HTT: variants seen among roughly 807,000 people sequenced by gnomAD.
HTT encodes the protein huntingtin, also known as huntington disease protein.
In HTT, 104 loss-of-function variants were observed where a neutral mutation model predicts 362.3. The observed-to-expected ratio is 0.29, with a 90% CI of 0.24 to 0.34. The LOEUF is 0.34. HTT is among the 10% of genes least tolerant of loss of function. The pLI, the probability that HTT is intolerant of heterozygous loss-of-function variation, is 1.00. For missense variants in HTT, 3,301 were observed against 3,928.6 expected, an observed-to-expected ratio of 0.84 and a Z score of 4.27; for synonymous variants, 1,577 against 1,548.7, an observed-to-expected ratio of 1.02 and a Z score of -0.43.
intron 3 of HTT, among the ~76,000 whole-genome samples, chr4:3,103,383 C>A (rs1714259785): frequency 1.3e-5 from 2 of 151,724 alleles, no homozygotes; most frequent in African/African-American, 4.8e-5. Context: ...CACCACCACA[C>A]CCGGCTAATT....
At chr4:3,180,733 A>C in intron 36 of HTT, 82 bp downstream of exon 36, 2 of 1,121,036 alleles carry the variant, frequency 1.8e-6, no homozygotes, top group South Asian at 2.3e-5. Flanking sequence ...GGTAACGCTC[A>C]CTGTTAACTG....
intron 25 of HTT, among the ~76,000 whole-genome samples, chr4:3,147,751 G>A (rs1002504384): frequency 7.9e-5 from 12 of 152,178 alleles, no homozygotes; most frequent in African/African-American, 4.8e-5. Flanking sequence ...CTGAACTTCG[G>A]TTGTGAAGAC....
intron 6 of HTT, among the ~76,000 whole-genome samples, chr4:3,114,956 G>A (rs987515700): frequency 2.6e-5 from 4 of 152,152 alleles, no homozygotes; most frequent in African/African-American, 9.7e-5. Context: ...CAGTTGGCTA[G>A]TACTCTTTTC....
chr4:3,240,236 T>A lies in HTT; in HGVS notation c.*177T>A, dbSNP rs1578622652. The A allele has an allele frequency of 8.0e-6, 5 of 621,260 alleles. No homozygotes were observed. The highest frequency in any genetic ancestry group is 1.4e-5 in the Non-Finnish European group (5 of 352,888). The allele number at this position is 621,260 out of a possible 1,614,324, so 38.5% of individuals were successfully genotyped here. A position where few individuals can be genotyped will look rare whatever the true frequency, so the allele number is the denominator to read the frequency against. ...GTGGCAGAAGTGCTCTTTGTGGCAG[T>A]GGCCAGGCAGGGAGTGTCTGCAGTC... is the stretch of plus-strand genomic sequence containing the variant. On this transcript the variant is annotated 3_prime_UTR_variant, in exon 67 of 67. Coordinates refer to ENST00000355072, the MANE Select transcript of HTT (RefSeq NM_001388492.1).
intron 60 of HTT, among the ~76,000 whole-genome samples, chr4:3,230,680 G>A (rs1044261658): frequency 3.9e-5 from 6 of 152,082 alleles, no homozygotes; most frequent in Admixed American, 6.5e-5. Flanking sequence ...CAGCAGATTT[G>A]GTGTGTGATG....
intron 40 of HTT, among the ~76,000 whole-genome samples, chr4:3,197,245 C>G (rs754558403): frequency 1.3e-5 from 2 of 152,084 alleles, no homozygotes; most frequent in Non-Finnish European, 2.9e-5. Flanking sequence ...GTGACCTTGG[C>G]TGTTGCTCTC....
chr4:3,237,722 G>A (rs562667346), intron 64 of HTT, among the ~76,000 whole-genome samples: 1 of 152,256 alleles, frequency 6.6e-6, no homozygotes, highest in African/African-American at 2.4e-5. Context: ...TGCCATTTTC[G>A]TAGCTGCTTC....
intron 21 of HTT, among the ~76,000 whole-genome samples, chr4:3,139,403 G>A (rs1891701): frequency 0.24 from 36,348 of 152,026 alleles, 5,605 homozygotes; most frequent in East Asian, 0.39. Context: ...TTGCCATGTT[G>A]GCCGGGCTGA....
At chr4:3,234,460 A>G (rs1276884139) in intron 61 of HTT, among the ~76,000 whole-genome samples, 1 of 152,190 alleles carries the variant, frequency 6.6e-6, no homozygotes, top group Non-Finnish European at 1.5e-5. Context: ...TCAGGCACAT[A>G]TGTTGGTGCA....
chr4:3,178,317 C>G lies in HTT; in HGVS notation c.4483C>G (p.Pro1495Ala), dbSNP rs757721942. The change falls in exon 35 of 67, where the codon CCA (proline) becomes GCA (alanine). Residue 1495 changes from proline to alanine, a missense_variant. By Grantham distance (27) the Pro-to-Ala change is conservative. This residue lies in a region of HTT where 2,316 missense variants were observed against 2,658.5 expected (regional missense o/e 0.87). Coordinates refer to ENST00000355072, the MANE Select transcript of HTT (RefSeq NM_001388492.1). ...TTTTAGGGAATCAGAGGCAATCATT[C>G]CAAACATCTTTTTCTTCTTGGTATT... is the stretch of plus-strand genomic sequence containing the variant. ...GQFRESEAII[P>A]NIFFFLVLLS... 1.8e-5 allele frequency: 29 copies of G among 1,609,130 alleles called. No homozygotes were observed. Among genetic ancestry groups the G allele is most frequent in the Non-Finnish European group, 2.5e-5 (29 of 1,176,052 alleles).
At chr4:3,236,015 T>C (rs1721512305) in intron 63 of HTT, 134 bp from the exon 64 acceptor site, 1 of 773,130 alleles carries the variant, frequency 1.3e-6, no homozygotes, top group Non-Finnish European at 2.2e-6. Flanking sequence ...GGCTGGGTCC[T>C]GGGCAAGCAA....
intron 5 of HTT, 145 bp from the exon 6 acceptor site, chr4:3,107,140 C>A: frequency 1.5e-6 from 1 of 688,268 alleles, no homozygotes; most frequent in Non-Finnish European, 2.4e-6. Flanking sequence ...CACATTTCAT[C>A]CTCCTGTTCT....
intron 8 of HTT, among the ~76,000 whole-genome samples, chr4:3,118,590 C>G (rs1317401541): frequency 6.6e-6 from 1 of 152,186 alleles, no homozygotes; most frequent in Non-Finnish European, 1.5e-5. Flanking sequence ...AGGGTGGGTC[C>G]TGAAAAGGCC....
intron 42 of HTT, among the ~76,000 whole-genome samples, chr4:3,205,917 A>T (rs1294632648): frequency 6.6e-6 from 1 of 151,780 alleles, no homozygotes; most frequent in Non-Finnish European, 1.5e-5. Flanking sequence ...AAAAATATAT[A>T]TTTTTATTTT....
intron 36 of HTT, among the ~76,000 whole-genome samples, chr4:3,181,316 AGATGGT>A (rs1718515958): frequency 1.3e-5 from 2 of 152,236 alleles, no homozygotes; most frequent in African/African-American, 4.8e-5. Context: ...GTGTTGGTCA[AGATGGT>A]AGAAACCTTA....
rs1028928190 is a variant in HTT, at chr4:3,218,894, G to A, written c.7242+942G>A. 2.0e-5 allele frequency among the ~76,000 whole-genome samples: 3 copies of A among 152,160 alleles called. No homozygotes were observed. Among genetic ancestry groups the A allele is most frequent in the African/African-American group, 7.2e-5 (3 of 41,438 alleles). On this transcript the variant is annotated intron_variant, in intron 52 of 66. Transcript: ENST00000355072. The surrounding 1 kb of genome is among the most constrained non-coding windows in gnomAD (Gnocchi z 4.4). ...AGGGAGAATGGAGCCAGGTCCCAGGGAAGAGGCTTGTGGCTGCCTGAGAAG... is the reference window on the plus strand; with the variant it reads ...AGGGAGAATGGAGCCAGGTCCCAGGAAAGAGGCTTGTGGCTGCCTGAGAAG...
Position 3,180,540 on chromosome 4 carries a change from C to G in HTT, c.4638C>G (p.Val1546=), listed in dbSNP as rs116293982. The G allele has an allele frequency of 3.3e-4, 536 of 1,611,820 alleles. 1 individual carries two copies. In the African/African-American group the frequency reaches 6.2e-3, roughly 19 times the overall value. Residue 1546 remains valine, a synonymous_variant, in exon 36 of 67, where the codon GTC becomes GTG. Transcript: ENST00000355072. ...THAIPALQPI[V]HDLFVLRGTN... The stretch of plus-strand genomic sequence containing the variant: ...CCATACCGGCTCTGCAGCCCATAGT[C>G]CACGACCTCTTTGTATTAAGAGGAA...
chr4:3,154,449 A>G, intron 27 of HTT, 30 bp downstream of exon 27: 2 of 1,611,028 alleles, frequency 1.2e-6, no homozygotes, highest in South Asian at 1.1e-5. Context: ...AGGGAGGGAC[A>G]TGAGTGCAGC....
intron 28 of HTT, among the ~76,000 whole-genome samples, chr4:3,159,944 A>G (rs1344774626): frequency 6.6e-6 from 1 of 152,162 alleles, no homozygotes; most frequent in Non-Finnish European, 1.5e-5. Flanking sequence ...AGTATTTTCT[A>G]TTTTTTGATA....
Sources: allele counts gnomAD v4.1 joint callset (sites outside exome capture counted in the v4.1 genomes callset), GRCh38; gene constraint gnomAD v4.1.1; regional missense constraint gnomAD v4.1.1; non-coding constraint Gnocchi (gnomAD v3.1); transcripts MANE v1.5; gene names NCBI Gene and HGNC (gene_info 2026-07-23, HGNC 2026-07-21).